The following MPIG6B variants were observed in gnomAD, a reference collection of about 807,000 sequenced individuals.
The protein encoded by MPIG6B is immunoglobulin receptor.
Under a neutral mutation model 24.2 loss-of-function variants are expected in MPIG6B, and 22 were observed. The ratio of observed to expected loss-of-function variants is 0.91; its 90% CI spans 0.65 to 1.30. The LOEUF (loss-of-function observed/expected upper bound fraction) is 1.30. Ranked by LOEUF, MPIG6B falls within the 50% of genes most tolerant of loss-of-function variation. The pLI is 0.00. For missense variants in MPIG6B, 301 were observed against 318.5 expected (o/e 0.94, Z 0.42); for synonymous variants, 136 against 142.0 (o/e 0.96, Z 0.30).
Position 31,723,636 on chromosome 6 carries a change from T to A in MPIG6B, c.62-3T>A, listed in dbSNP as rs752755944. 1.3e-6 allele frequency: 2 copies of A among 1,560,140 alleles called. No individual in the cohort carries two copies. Among genetic ancestry groups the A allele is most frequent in the South Asian group, 2.4e-5 (2 of 84,226 alleles). On this transcript the variant is annotated splice_polypyrimidine_tract_variant and splice_region_variant and intron_variant, in intron 1 of 5. Coordinates refer to ENST00000649779, the MANE Select transcript of MPIG6B (RefSeq NM_138272.3). The surrounding 1 kb of genome is among the most constrained non-coding windows in gnomAD (Gnocchi z 4.3). ...CCTAACCACAGCCTCCGGCCTCTCC[T>A]AGCTTCTCTGGACGGCCGCCCTGGG... is the stretch of plus-strand genomic sequence containing the variant.
rs563551173 is a variant in MPIG6B at position 31,724,168 on chromosome 6, C to T, written c.436C>T (p.Pro146Ser). 4 of 1,613,212 alleles carry T rather than the reference C, an allele frequency of 2.5e-6. No individual in the cohort carries two copies. The African/African-American group carries it at 5.3e-5, about 21-fold the overall frequency. The change falls in exon 3 of 6, where the codon CCG becomes TCG. Residue 146 changes from proline (P) to serine (S), a missense_variant. By Grantham distance (74) the Pro-to-Ser change is moderately conservative. Coordinates refer to ENST00000649779, the MANE Select transcript of MPIG6B (RefSeq NM_138272.3). The part of the protein sequence containing the change: ...HGSVYPQLLI[P>S]LLGAGLVLGL... Reference sequence around the variant, plus strand: ...GTCCGTGTATCCCCAGCTCCTGATCCCGCTGCTGGGCGCTGGGTTGGTGCT... The same window carrying T: ...GTCCGTGTATCCCCAGCTCCTGATCTCGCTGCTGGGCGCTGGGTTGGTGCT...
chr6:31,723,979 T>A lies in MPIG6B; in HGVS notation c.402T>A (p.Pro134=), dbSNP rs761490149. 1 of 1,551,936 alleles carries A rather than the reference T, an allele frequency of 6.4e-7. No homozygotes were observed. ...GGACCTATTGCAAGGCCCCCGGGCC[T>A]ACCCATGGTAGGTGCAGGCCTGTGC... The part of the protein sequence containing the change: ...GDRTYCKAPG[P]THGSVYPQLL... The change falls in exon 2 of 6, where the codon CCT becomes CCA. Residue 134 remains proline (P), a synonymous_variant. Transcript: ENST00000649779. The surrounding 1 kb of genome is among the most constrained non-coding windows in gnomAD (Gnocchi z 4.3).
upstream of MPIG6B, among the ~76,000 whole-genome samples, chr6:31,722,845 C>CA (rs9281563): frequency 0.37 from 27,168 of 74,104 alleles, 4,274 homozygotes; most frequent in African/African-American, 0.41. Context: ...GACTCTGACT[C>CA]AAAAAAAAAA....
chr6:31,721,669 A>G (rs757783978), upstream of MPIG6B: 4 of 1,613,910 alleles, frequency 2.5e-6, no homozygotes, highest in African/African-American at 1.3e-5. Flanking sequence ...GAGCAGCATA[A>G]GGGCTTTCAT....
rs1807007599 is a variant in MPIG6B at position 31,723,619 on chromosome 6, C to T, written c.62-20C>T. The T allele has an allele frequency of 1.3e-6, 2 of 1,538,038 alleles. No individual in the cohort carries two copies. The highest frequency in any genetic ancestry group is 1.4e-5 in the African/African-American group (1 of 72,840). ...TTGCCCTGTGGACGTGCCCTAACCACAGCCTCCGGCCTCTCCTAGCTTCTC... is the reference window on the plus strand; with the variant it reads ...TTGCCCTGTGGACGTGCCCTAACCATAGCCTCCGGCCTCTCCTAGCTTCTC... On this transcript the variant is annotated intron_variant, in intron 1 of 5. Coordinates refer to ENST00000649779, the MANE Select transcript of MPIG6B (RefSeq NM_138272.3). The surrounding 1 kb of genome is among the most constrained non-coding windows in gnomAD (Gnocchi z 4.3).
chr6:31,724,110 C>G (rs768748167), intron 2 of MPIG6B, 32 bp from the exon 3 acceptor site: 1 of 1,596,722 alleles, frequency 6.3e-7, no homozygotes, highest in South Asian at 1.1e-5. Context: ...CCCCTGACCT[C>G]AGCATCCCTC....
upstream of MPIG6B, among the ~76,000 whole-genome samples, chr6:31,721,299 A>G (rs991683524): frequency 6.6e-6 from 1 of 152,102 alleles, no homozygotes; most frequent in Non-Finnish European, 1.5e-5. Flanking sequence ...AGAGTTGCAT[A>G]TTGAAGTGGG....
upstream of MPIG6B, chr6:31,723,238 A>G (rs1806941389): frequency 1.4e-6 from 1 of 709,860 alleles, no homozygotes; most frequent in Non-Finnish European, 2.5e-6. This position sits in a 1 kb window ranked among gnomAD's most constrained non-coding sequence, Gnocchi z 4.3. Context: ...TCCCAAAGGG[A>G]TCTGGGCAGC....
At chr6:31,721,497 C>T (rs1214509298), upstream of MPIG6B, 7 of 737,516 alleles carry the variant, frequency 9.5e-6, no homozygotes, top group South Asian at 9.9e-5. Context: ...CTTGGTGGCA[C>T]AGGAGAGCTG....
At chr6:31,721,693 A>G, upstream of MPIG6B, 1 of 1,613,972 alleles carries the variant, frequency 6.2e-7, no homozygotes, top group Non-Finnish European at 8.5e-7. Flanking sequence ...GAGGGTCCTG[A>G]GAATGGTGGC....
rs762001162 is a variant in MPIG6B at position 31,723,832 on chromosome 6, C to T, written c.255C>T (p.Arg85=). 5 of 1,611,730 alleles carry T rather than the reference C, an allele frequency of 3.1e-6. No homozygotes were observed. The highest frequency in any genetic ancestry group is 1.3e-5 in the African/African-American group (1 of 74,772). Residue 85 remains arginine, a synonymous_variant, in exon 2 of 6, where the codon CGC becomes CGT. Transcript: ENST00000649779. The surrounding 1 kb of genome is among the most constrained non-coding windows in gnomAD (Gnocchi z 4.3). ...TCCAGCCTTTCGTCGGCCGCCTACGCTCCCTGGACTCTGGTATCCGGCGGC... is the reference window on the plus strand; with the variant it reads ...TCCAGCCTTTCGTCGGCCGCCTACGTTCCCTGGACTCTGGTATCCGGCGGC... The part of the protein sequence containing the change: ...PPLQPFVGRL[R]SLDSGIRRLE...
upstream of MPIG6B, chr6:31,721,698 G>C: frequency 1.2e-6 from 2 of 1,613,720 alleles, no homozygotes; most frequent in South Asian, 1.1e-5. Context: ...TCCTGAGAAT[G>C]GTGGCAACCA....
chr6:31,723,256 C>T, upstream of MPIG6B: 1 of 732,848 alleles, frequency 1.4e-6, no homozygotes. The surrounding 1 kb of genome is among the most constrained non-coding windows in gnomAD (Gnocchi z 4.3). Flanking sequence ...AGCTGGTGGC[C>T]CCGCCCCCTC....
At position 31,723,944 on chromosome 6, in the gene MPIG6B, C is replaced by G. The variant is rs756580795; in HGVS notation, c.367C>G (p.Leu123Val). The stretch of plus-strand genomic sequence containing the variant: ...CGAGAGCCGTACAGTGCTTCACGTG[C>G]TGGGGGACAGGACCTATTGCAAGGC... ...EDESRTVLHV[L>V]GDRTYCKAPG... is the part of the protein sequence containing the mutation. Residue 123 changes from leucine (L) to valine (V), a missense_variant, in exon 2 of 6, where the codon CTG (leucine) becomes GTG (valine). Physicochemically the swap from Leu to Val is conservative, Grantham distance 32. Transcript: ENST00000649779. This position sits in a 1 kb window ranked among gnomAD's most constrained non-coding sequence, Gnocchi z 4.3. 1 of 1,567,834 alleles carries G rather than the reference C, an allele frequency of 6.4e-7. No individual in the cohort carries two copies. The highest frequency in any genetic ancestry group is 1.7e-4 in the Middle Eastern group (1 of 5,844).
At chr6:31,724,662 C>T in intron 4 of MPIG6B, 35 bp downstream of exon 4, 1 of 1,608,064 alleles carries the variant, frequency 6.2e-7, no homozygotes, top group Non-Finnish European at 8.5e-7. Context: ...CTTTCTCCTA[C>T]ATGCCCACTC....
Position 31,723,575 on chromosome 6 carries a change from G to C in MPIG6B, c.62-64G>C. On this transcript the variant is annotated intron_variant, in intron 1 of 5. Coordinates refer to ENST00000649779, the MANE Select transcript of MPIG6B (RefSeq NM_138272.3). The surrounding 1 kb of genome is among the most constrained non-coding windows in gnomAD (Gnocchi z 4.3). The stretch of plus-strand genomic sequence containing the variant: ...TGCAGAACAGAGAAGAGAAAGAGGA[G>C]ACGGGATGGAGGGTCGTCTTGCCCT... The C allele has an allele frequency of 7.0e-7, 1 of 1,435,302 alleles. No individual in the cohort carries two copies. Among genetic ancestry groups the C allele is most frequent in the Non-Finnish European group, 9.5e-7 (1 of 1,050,558 alleles). The allele number at this position is 1,435,302 out of a possible 1,614,324, so 88.9% of individuals were successfully genotyped here. A position where few individuals can be genotyped will look rare whatever the true frequency, so the allele number is the denominator to read the frequency against.
rs1407330688 is a variant in MPIG6B at position 31,726,298 on chromosome 6, C to T, written c.*1224C>T. On this transcript the variant is annotated 3_prime_UTR_variant, in exon 6 of 6. Transcript: ENST00000649779. This position sits in a 1 kb window ranked among gnomAD's most constrained non-coding sequence, Gnocchi z 5.1. ...TGGCTTTGGATACAAGGTACTACAG[C>T]ACTTTGTCCACTCTCCAGGCTTACC... 6.6e-6 allele frequency: 1 copy of T among 152,260 alleles called. No individual in the cohort carries two copies. Among genetic ancestry groups the T allele is most frequent in the Non-Finnish European group, 1.5e-5 (1 of 68,052 alleles). 9.4% of individuals were successfully genotyped at this position (152,260 alleles called of 1,614,324 possible). A position where few individuals can be genotyped will look rare whatever the true frequency, so the allele number is the denominator to read the frequency against.
chr6:31,722,978 T>C (rs1053782589), upstream of MPIG6B: 2 of 282,358 alleles, frequency 7.1e-6, no homozygotes, highest in Non-Finnish European at 1.4e-5. Context: ...AAACAGGAGT[T>C]TTTTTTGTTG....
At chr6:31,720,528 T>TA (rs1466578021), upstream of MPIG6B, among the ~76,000 whole-genome samples, 1 of 152,060 alleles carries the variant, frequency 6.6e-6, no homozygotes, top group African/African-American at 2.4e-5. The surrounding 1 kb of genome is among the most constrained non-coding windows in gnomAD (Gnocchi z 4.9). Context: ...GTGAGGAAGA[T>TA]ACCATGGGGA....
Sources: gnomAD v4.1 joint callset for allele counts (sites outside exome capture counted in the v4.1 genomes callset) on GRCh38, gnomAD v4.1.1 for gene constraint, Gnocchi (gnomAD v3.1) non-coding constraint, MANE v1.5 for transcripts, NCBI Gene and HGNC (gene_info 2026-07-23, HGNC 2026-07-21) for gene names.